The following RBFOX1 variants were observed in gnomAD, a reference collection of about 807,000 sequenced individuals.
RBFOX1 encodes RNA binding fox-1 homolog 1.
RBFOX1 carries 8 observed loss-of-function variants against 57.7 expected under a neutral mutation model. That is an observed-to-expected ratio of 0.14 (90% CI 0.08 to 0.25). RBFOX1 has a LOEUF of 0.25. Ranked by LOEUF, RBFOX1 falls within the 10% of genes least tolerant of loss-of-function variation. The pLI is 1.00. For synonymous variants in RBFOX1, 326 were observed against 222.4 expected (o/e 1.47, Z -4.15); for missense variants, 611 against 548.5 (o/e 1.11, Z -1.14).
At chr16:6,856,789 G>A (rs562271917) in intron 3 of RBFOX1, among the ~76,000 whole-genome samples, 31 of 152,304 alleles carry the variant, frequency 2.0e-4, no homozygotes, top group Admixed American at 1.5e-3. Context: ...AAGGAGATGT[G>A]TGTAACAGTT....
At chr16:6,323,617 T>C (rs1385641133) in intron 2 of RBFOX1, among the ~76,000 whole-genome samples, 1 of 152,222 alleles carries the variant, frequency 6.6e-6, no homozygotes, top group Non-Finnish European at 1.5e-5. Flanking sequence ...TCTAGATCAG[T>C]CTTTGAAAGA....
At chr16:6,755,279 CCG>C (rs2075605123) in intron 3 of RBFOX1, among the ~76,000 whole-genome samples, 1 of 152,174 alleles carries the variant, frequency 6.6e-6, no homozygotes. Flanking sequence ...AATCGCCACA[CCG>C]ACTTCCACAA....
chr16:7,158,033 A>G (rs983563748), intron 4 of RBFOX1, among the ~76,000 whole-genome samples: 2 of 152,186 alleles, frequency 1.3e-5, no homozygotes, highest in Admixed American at 6.5e-5. Context: ...ACTCAGGTTT[A>G]TCCAATAGTA....
At chr16:6,944,621 G>C (rs575157274) in intron 3 of RBFOX1, among the ~76,000 whole-genome samples, 3 of 152,034 alleles carry the variant, frequency 2.0e-5, no homozygotes, top group African/African-American at 7.2e-5. Context: ...TTCAGCCTCT[G>C]TCTAGTTTTT....
At chr16:6,675,101 T>G (rs1251590406) in intron 3 of RBFOX1, among the ~76,000 whole-genome samples, 1 of 152,004 alleles carries the variant, frequency 6.6e-6, no homozygotes, top group African/African-American at 2.4e-5. Context: ...AGATGGGGTT[T>G]CACCATGTTG....
At chr16:6,873,340 A>G (rs1018558863) in intron 3 of RBFOX1, among the ~76,000 whole-genome samples, 2 of 152,128 alleles carry the variant, frequency 1.3e-5, no homozygotes, top group Non-Finnish European at 2.9e-5. Context: ...AAGAGTGCAA[A>G]ATCATTAGAG....
intron 3 of RBFOX1, among the ~76,000 whole-genome samples, chr16:5,755,491 A>G (rs1002038679): frequency 1.5e-4 from 23 of 152,194 alleles, no homozygotes; most frequent in African/African-American, 5.1e-4. Context: ...AGGTAGACCA[A>G]AGCAGTAGCC....
intron 1 of RBFOX1, among the ~76,000 whole-genome samples, chr16:6,111,435 C>T (rs569264583): frequency 6.1e-4 from 93 of 152,266 alleles, no homozygotes; most frequent in African/African-American, 1.1e-3. Context: ...AAACCACCAA[C>T]ACCTTTTGAG....
At chr16:6,312,348 C>T (rs1414651572) in intron 1 of RBFOX1, among the ~76,000 whole-genome samples, 1 of 152,122 alleles carries the variant, frequency 6.6e-6, no homozygotes, top group Non-Finnish European at 1.5e-5. Context: ...GGCTCTTCCA[C>T]TCTCTTCTTC....
intron 4 of RBFOX1, among the ~76,000 whole-genome samples, chr16:7,437,908 A>T (rs1429348087): frequency 1.3e-5 from 1 of 76,072 alleles, no homozygotes; most frequent in African/African-American, 7.7e-5. Context: ...CAAATTGCTT[A>T]AAAAAAAAAA....
At chr16:6,488,545 AT>A (rs2095556548) in intron 2 of RBFOX1, among the ~76,000 whole-genome samples, 1 of 152,152 alleles carries the variant, frequency 6.6e-6, no homozygotes, top group African/African-American at 2.4e-5. Context: ...TGGAGAAACA[AT>A]TTTCAAGACT....
intron 1 of RBFOX1, among the ~76,000 whole-genome samples, chr16:5,287,675 C>T (rs1335630993): frequency 6.6e-6 from 1 of 152,302 alleles, no homozygotes; most frequent in African/African-American, 2.4e-5. Flanking sequence ...CTGGAAGCTG[C>T]AGGCTGGCCT....
intron 1 of RBFOX1, among the ~76,000 whole-genome samples, chr16:6,290,892 C>T (rs1293341842): frequency 2.0e-5 from 3 of 152,116 alleles, no homozygotes; most frequent in Admixed American, 6.5e-5. Context: ...AAAGTGAAAG[C>T]AAGTTTATTA....
intron 2 of RBFOX1, among the ~76,000 whole-genome samples, chr16:6,457,084 G>T (rs1304810458): frequency 3.3e-5 from 5 of 152,074 alleles, no homozygotes; most frequent in Non-Finnish European, 7.4e-5. Context: ...TAAGCCATGG[G>T]AATTGATGGA....
intron 3 of RBFOX1, among the ~76,000 whole-genome samples, chr16:5,744,781 A>T (rs2052909228): frequency 6.6e-6 from 1 of 152,122 alleles, no homozygotes. Flanking sequence ...TTTTTGAGAC[A>T]GAGTTTTGCT....
At chr16:5,457,387 G>A (rs891466917) in intron 1 of RBFOX1, among the ~76,000 whole-genome samples, 4 of 152,118 alleles carry the variant, frequency 2.6e-5, no homozygotes, top group Non-Finnish European at 4.4e-5. Flanking sequence ...CATCTGCCTC[G>A]GCCTGTCAAA....
chr16:7,699,095 G>C (rs1045138273), intron 14 of RBFOX1, among the ~76,000 whole-genome samples: 1 of 152,152 alleles, frequency 6.6e-6, no homozygotes, highest in Non-Finnish European at 1.5e-5. Context: ...CATAAGTCCG[G>C]AGAGGGAGCC....
At position 7,189,285 on chromosome 16, in the gene RBFOX1, G is replaced by A. The variant is rs1189116407; in HGVS notation, c.27+137187G>A. 2.6e-5 allele frequency among the ~76,000 whole-genome samples: 4 copies of A among 151,902 alleles called. No individual in the cohort carries two copies. In the East Asian group the frequency reaches 7.8e-4, roughly 30 times the overall value. On this transcript the variant is annotated intron_variant, in intron 4 of 15. Transcript: ENST00000550418. Reference sequence around the variant, plus strand: ...CTAAAAATACAAAAAAATTAGCCGGGCGTGGTGGCGGGCGCCTGAAGTCAC... The same window carrying A: ...CTAAAAATACAAAAAAATTAGCCGGACGTGGTGGCGGGCGCCTGAAGTCAC...
At chr16:6,013,139 A>G (rs1339325452) in intron 4 of RBFOX1, among the ~76,000 whole-genome samples, 1 of 152,198 alleles carries the variant, frequency 6.6e-6, no homozygotes, top group Non-Finnish European at 1.5e-5. Flanking sequence ...TTTAGCTCAC[A>G]TAGTTATTAA....
Sources: gnomAD v4.1 joint callset for allele counts (sites outside exome capture counted in the v4.1 genomes callset) on GRCh38, gnomAD v4.1.1 for gene constraint, MANE v1.5 for transcripts, NCBI Gene and HGNC (gene_info 2026-07-23, HGNC 2026-07-21) for gene names.